The following COL4A6 variants were observed in gnomAD, a reference collection of about 807,000 sequenced individuals.
The protein encoded by COL4A6 is collagen type IV alpha 6 chain.
A neutral mutation model predicts 126.7 loss-of-function variants in COL4A6; 59 were observed. That is an observed-to-expected ratio of 0.47 (90% CI 0.38 to 0.58). The LOEUF is 0.58. Among genes scored for constraint, COL4A6 ranks in the 20% least tolerant of loss-of-function variants. The probability of loss-of-function intolerance (pLI) is 0.00; values close to 1 mark genes in which losing one functional copy is unlikely to be tolerated. For missense variants in COL4A6, 1,285 were observed against 1,337.3 expected (o/e 0.96, Z 0.61); for synonymous variants, 547 against 496.6 (o/e 1.10, Z -1.35).
chrX:108,248,901 C>T (rs910032849), intron 3 of COL4A6, among the ~76,000 whole-genome samples: 6 of 109,794 alleles, frequency 5.5e-5, no homozygotes, highest in Non-Finnish European at 1.1e-4. Context: ...CTCATAGGAG[C>T]GCAAACACTA....
intron 3 of COL4A6, among the ~76,000 whole-genome samples, chrX:108,296,495 C>G (rs1286006024): frequency 2.7e-5 from 3 of 111,945 alleles, no homozygotes. Flanking sequence ...TATTTCTCCT[C>G]TCACGCCATC....
chrX:108,361,350 G>T (rs2040081035), intron 2 of COL4A6, among the ~76,000 whole-genome samples: 1 of 111,508 alleles, frequency 9.0e-6, no homozygotes, highest in South Asian at 3.8e-4. Flanking sequence ...AAAAGGATAG[G>T]GAGGGAAGCT....
chrX:108,214,136 G>T lies in COL4A6; in HGVS notation c.417C>A (p.Gly139=), dbSNP rs1349375612. The change falls in exon 6 of 45, where the codon GGC becomes GGA. Residue 139 remains glycine, a synonymous_variant. Coordinates refer to ENST00000334504, the MANE Select transcript of COL4A6 (RefSeq NM_033641.4). Reference sequence around the variant, plus strand: ...CGGGTGGTCCGAGAAGCCCAGGATAGCCATCAGGGCCTGGAAATCCAACAG... The same window carrying T: ...CGGGTGGTCCGAGAAGCCCAGGATATCCATCAGGGCCTGGAAATCCAACAG... The part of the protein sequence containing the change: ...QGAVGFPGPD[G]YPGLLGPPGL... 1 of 1,207,807 alleles carries T rather than the reference G, an allele frequency of 8.3e-7. No individual in the cohort carries two copies. The highest frequency in any genetic ancestry group is 1.1e-6 in the Non-Finnish European group (1 of 892,780).
intron 3 of COL4A6, among the ~76,000 whole-genome samples, chrX:108,288,291 A>G (rs933125358): frequency 4.5e-5 from 5 of 112,218 alleles, no homozygotes; most frequent in African/African-American, 1.6e-4. Context: ...GATGAAAACG[A>G]AAAGCTCTGT....
chrX:108,398,522 G>C (rs746314532), intron 2 of COL4A6, among the ~76,000 whole-genome samples: 3 of 110,527 alleles, frequency 2.7e-5, no homozygotes, highest in Non-Finnish European at 5.7e-5. Context: ...CTGTAGTGGT[G>C]GTAACATTCT....
intron 3 of COL4A6, among the ~76,000 whole-genome samples, chrX:108,242,500 G>A (rs1175252742): frequency 8.9e-6 from 1 of 112,082 alleles, no homozygotes; most frequent in Non-Finnish European, 1.9e-5. Context: ...AAAACATCTA[G>A]ATTGAGTTAG....
At chrX:108,293,083 T>C (rs775864110) in intron 3 of COL4A6, among the ~76,000 whole-genome samples, 30 of 108,887 alleles carry the variant, frequency 2.8e-4, no homozygotes, top group Non-Finnish European at 5.5e-4. Flanking sequence ...CCGGGACCAT[T>C]TTATCCTTGT....
chrX:108,404,735 C>T (rs1348132865), intron 2 of COL4A6, among the ~76,000 whole-genome samples: 4 of 111,509 alleles, frequency 3.6e-5, no homozygotes, highest in Non-Finnish European at 7.5e-5. Flanking sequence ...AATATGTATT[C>T]CAATTTCTCC....
At chrX:108,313,964 G>A (rs1235337502) in intron 2 of COL4A6, among the ~76,000 whole-genome samples, 1 of 111,848 alleles carries the variant, frequency 8.9e-6, no homozygotes, top group Non-Finnish European at 1.9e-5. Flanking sequence ...GGGGCAGGAA[G>A]TACAATCTTC....
chrX:108,204,004 A>G (rs73636378), intron 12 of COL4A6, among the ~76,000 whole-genome samples: 5,766 of 111,757 alleles, frequency 0.052, 213 homozygotes, highest in African/African-American at 0.12. Context: ...GAAAAACACA[A>G]CTATTTAATG....
At chrX:108,285,361 C>T (rs1409088900) in intron 3 of COL4A6, among the ~76,000 whole-genome samples, 1 of 112,254 alleles carries the variant, frequency 8.9e-6, no homozygotes, top group Non-Finnish European at 1.9e-5. Context: ...TTATACTTCA[C>T]AATTCACCAT....
At chrX:108,165,962 A>G (rs941627381) in intron 37 of COL4A6, among the ~76,000 whole-genome samples, 5 of 112,803 alleles carry the variant, frequency 4.4e-5, no homozygotes, top group Admixed American at 3.7e-4. Flanking sequence ...ATCAGAATGG[A>G]GGCAGCAAGA....
At chrX:108,160,424 G>A (rs2033886585) in intron 43 of COL4A6, 39 bp downstream of exon 43, 2 of 1,151,230 alleles carry the variant, frequency 1.7e-6, no homozygotes, top group East Asian at 3.0e-5. Flanking sequence ...TGTTTGTGGG[G>A]ACAGGTGACC....
At chrX:108,324,835 TA>T (rs1454871240) in intron 2 of COL4A6, among the ~76,000 whole-genome samples, 2 of 111,230 alleles carry the variant, frequency 1.8e-5, no homozygotes, top group African/African-American at 6.5e-5. Context: ...CCCTCATGAC[TA>T]GGGGGAAAAA....
At chrX:108,387,793 T>C (rs1450751658) in intron 2 of COL4A6, among the ~76,000 whole-genome samples, 4 of 112,206 alleles carry the variant, frequency 3.6e-5, no homozygotes, top group African/African-American at 1.3e-4. Flanking sequence ...TGCCTTGTGC[T>C]GGTTTTAAAA....
chrX:108,374,590 GGTAAA>G (rs1402909541), intron 2 of COL4A6, among the ~76,000 whole-genome samples: 1 of 111,648 alleles, frequency 9.0e-6, no homozygotes, highest in African/African-American at 3.3e-5. Flanking sequence ...TAAATTCTTT[GGTAAA>G]GTAAACAACC....
At chrX:108,343,803 C>CAAAAAA (rs58583772) in intron 2 of COL4A6, among the ~76,000 whole-genome samples, 1 of 36,918 alleles carries the variant, frequency 2.7e-5, no homozygotes. Context: ...GGCAAAAAGC[C>CAAAAAA]AAAAAAAAAA....
intron 2 of COL4A6, among the ~76,000 whole-genome samples, chrX:108,342,642 G>T (rs1391614082): frequency 9.0e-6 from 1 of 111,540 alleles, no homozygotes; most frequent in Non-Finnish European, 1.9e-5. Context: ...GCTGCACAAG[G>T]TATGTCTTGC....
chrX:108,372,508 C>G (rs1375883268), intron 2 of COL4A6, among the ~76,000 whole-genome samples: 2 of 111,903 alleles, frequency 1.8e-5, no homozygotes, highest in African/African-American at 6.5e-5. Context: ...TGGGACCAGG[C>G]AGATTCAGAT....
Sources: allele counts gnomAD v4.1 joint callset (sites outside exome capture counted in the v4.1 genomes callset), GRCh38; gene constraint gnomAD v4.1.1; transcripts MANE v1.5; gene names NCBI Gene and HGNC (gene_info 2026-07-23, HGNC 2026-07-21).